ARRDC2: variants seen among roughly 807,000 people sequenced by gnomAD.
ARRDC2 encodes arrestin domain containing 2.
A neutral mutation model predicts 38.9 loss-of-function variants in ARRDC2; 39 were observed. The ratio of observed to expected loss-of-function variants is 1.00; its 90% CI spans 0.78 to 1.31. The LOEUF is 1.31. Ranked by LOEUF, ARRDC2 falls within the 50% of genes most tolerant of loss-of-function variation. ARRDC2 has a pLI of 0.00. For missense variants in ARRDC2, 553 were observed against 588.4 expected (o/e 0.94, Z 0.62); for synonymous variants, 300 against 261.9 (o/e 1.15, Z -1.41).
At chr19:18,008,128 C>T (rs896124591), upstream of ARRDC2, 6 of 1,037,530 alleles carry the variant, frequency 5.8e-6, 1 homozygote, top group Non-Finnish European at 7.6e-6. Flanking sequence ...CCCACCCCCC[C>T]CCGCCCTGCC....
chr19:18,008,165 G>C (rs1175185637), upstream of ARRDC2: 1 of 1,187,138 alleles, frequency 8.4e-7, no homozygotes, highest in African/African-American at 1.8e-5. Context: ...GACGCACGGC[G>C]CGGGGATTTT....
upstream of ARRDC2, chr19:18,008,115 G>GTCCCCCC: frequency 4.9e-6 from 4 of 810,032 alleles, no homozygotes; most frequent in Non-Finnish European, 5.1e-6. Flanking sequence ...AAGAGACGGT[G>GTCCCCCC]ACCCCACCCC....
At position 18,008,792 on chromosome 19, in the gene ARRDC2, G is replaced by A. The variant is rs373516769; in HGVS notation, c.341+15G>A. On this transcript the variant is annotated intron_variant, in intron 2 of 7. Coordinates refer to ENST00000222250, the MANE Select transcript of ARRDC2 (RefSeq NM_015683.2). ...CAGCTGCCCCCGTAAGTCCTCTGGG[G>A]TGCAGGGTTGCCCTAAGCCTGCAGC... is the stretch of plus-strand genomic sequence containing the variant. The A allele has an allele frequency of 3.1e-6, 5 of 1,612,682 alleles. No homozygotes were observed. Among genetic ancestry groups the A allele is most frequent in the East Asian group, 2.2e-5 (1 of 44,878 alleles).
rs2033323404 is a variant in ARRDC2, at chr19:18,008,230, C to G, written c.-81C>G. The G allele has an allele frequency of 2.0e-6, 3 of 1,478,348 alleles. No individual in the cohort carries two copies. The highest frequency in any genetic ancestry group is 3.0e-5 in the African/African-American group (2 of 67,270). 91.6% of individuals were successfully genotyped at this position (1,478,348 alleles called of 1,614,324 possible). On this transcript the variant is annotated 5_prime_UTR_variant, in exon 1 of 8. Transcript: ENST00000222250. Reference sequence around the variant, plus strand: ...TTGACGGCGATTTTGCGTTCTGAGGCTGCAGCGTCGGCATCTTGAGCTGCC... The same window carrying G: ...TTGACGGCGATTTTGCGTTCTGAGGGTGCAGCGTCGGCATCTTGAGCTGCC...
In ARRDC2 at chr19:18,011,934, G is replaced by GTGTGTATATA. The variant is rs944958651; in HGVS notation, c.1171-978_1171-977insGTGTATATAT. 7.9e-4 allele frequency among the ~76,000 whole-genome samples: 54 copies of GTGTGTATATA among 68,404 alleles called. 3 individuals are homozygous for GTGTGTATATA. The East Asian group carries it at 8.5e-3, about 11-fold the overall frequency. The allele number at this position is 68,404 out of a possible 152,430, so 44.9% of individuals were successfully genotyped here. A position where few individuals can be genotyped will look rare whatever the true frequency, so the allele number is the denominator to read the frequency against. On this transcript the variant is annotated intron_variant, in intron 7 of 7. Transcript: ENST00000222250. ...ATTTATATTTTGTGTGTGTATATGT[G>GTGTGTATATA]TATATATATATATATATATTTTTTT...
upstream of ARRDC2, chr19:18,007,295 G>A (rs1275107535): frequency 6.6e-6 from 1 of 152,282 alleles, no homozygotes; most frequent in Non-Finnish European, 1.5e-5. Flanking sequence ...GGGGGTGCCC[G>A]AGCGTCCCCT....
chr19:18,004,481 A>T (rs547193141), upstream of ARRDC2, among the ~76,000 whole-genome samples: 973 of 150,104 alleles, frequency 6.5e-3, 12 homozygotes, highest in African/African-American at 0.023. Context: ...TCCTGACCTC[A>T]GGTGATCCGC....
intron 1 of ARRDC2, among the ~76,000 whole-genome samples, chr19:18,002,254 T>C (rs762709988): frequency 3.3e-5 from 5 of 152,180 alleles, no homozygotes; most frequent in Non-Finnish European, 5.9e-5. Context: ...GGTCTGGTGG[T>C]ATTTCCCGGT....
At position 18,010,326 on chromosome 19, in the gene ARRDC2, G is replaced by A. The variant is rs1175820736; in HGVS notation, c.980G>A (p.Trp327Ter). ...AGCCACGCCAGCTTCCTGCTGGACTGGAGGCTGGGGGCCTTGCCGGAGCGG... is the reference window on the plus strand; with the variant it reads ...AGCCACGCCAGCTTCCTGCTGGACTAGAGGCTGGGGGCCTTGCCGGAGCGG... The part of the protein sequence containing the change: ...VGSHASFLLD[W>*]RLGALPERPE... Residue 327 changes from tryptophan (W) to a stop codon, truncating the protein, a stop_gained, in exon 6 of 8, where the codon TGG (tryptophan) becomes TAG (stop). Coordinates refer to ENST00000222250, the MANE Select transcript of ARRDC2 (RefSeq NM_015683.2). LOFTEE classifies it high-confidence loss of function. The A allele has an allele frequency of 4.3e-6, 7 of 1,611,960 alleles. No homozygotes were observed. In the South Asian group the frequency reaches 6.6e-5, roughly 15 times the overall value.
rs965673407 is a variant in ARRDC2, at chr19:18,009,155, T to A, written c.489+37T>A. 1.9e-6 allele frequency: 3 copies of A among 1,607,318 alleles called. No individual in the cohort carries two copies. In the African/African-American group the frequency reaches 4.0e-5, roughly 22 times the overall value. On this transcript the variant is annotated intron_variant, in intron 3 of 7. Transcript: ENST00000222250. ...CCCTTGGGGAGGTAGGTTGGGAGTA[T>A]TGTAGGAAGGGGCCTGCCTGGCTGC...
In ARRDC2 at chr19:18,009,077, A is replaced by G. The variant is rs1221719153; in HGVS notation, c.448A>G (p.Thr150Ala). 3.7e-6 allele frequency: 6 copies of G among 1,613,340 alleles called. No homozygotes were observed. Among genetic ancestry groups the G allele is most frequent in the Non-Finnish European group, 5.1e-6 (6 of 1,179,984 alleles). ...VPARRARKVF[T>A]VIEPVDINTP... is the part of the protein sequence containing the mutation. ...AGCACGCCGGGCAAGGAAGGTGTTC[A>G]CTGTCATCGAGCCTGTGGACATCAA... The change falls in exon 3 of 8, where the codon ACT becomes GCT. Residue 150 changes from threonine to alanine, a missense_variant. Transcript: ENST00000222250.
At chr19:18,004,887 C>G (rs1438276079), upstream of ARRDC2, among the ~76,000 whole-genome samples, 1 of 149,696 alleles carries the variant, frequency 6.7e-6, no homozygotes. Context: ...GTAATCCCGG[C>G]TACTCGGGAG....
chr19:18,003,764 C>G (rs1041333965), upstream of ARRDC2, among the ~76,000 whole-genome samples: 1 of 151,224 alleles, frequency 6.6e-6, no homozygotes, highest in African/African-American at 2.4e-5. Flanking sequence ...CTCAGCCTCC[C>G]GAGCAGCTGG....
upstream of ARRDC2, among the ~76,000 whole-genome samples, chr19:18,006,027 T>G (rs1344335673): frequency 3.3e-5 from 4 of 122,892 alleles, no homozygotes; most frequent in Non-Finnish European, 5.1e-5. Context: ...TCTCAGACGA[T>G]GGGCGGCCGG....
rs372159381 is a variant in ARRDC2 at position 18,010,022 on chromosome 19, G to A, written c.832G>A (p.Val278Met). 14 of 1,602,554 alleles carry A rather than the reference G, an allele frequency of 8.7e-6. No individual in the cohort carries two copies. Among genetic ancestry groups the A allele is most frequent in the African/African-American group, 2.7e-5 (2 of 74,912 alleles). ...PSILHCRVLH[V>M]DYALKVCVDI... is the part of the protein sequence containing the mutation. ...CATCCTGCACTGCCGCGTTCTACAC[G>A]TGGACTACGCACTCAAGGTAGGGCA... Residue 278 changes from valine (V) to methionine (M), a missense_variant, in exon 5 of 8, where the codon GTG becomes ATG. By Grantham distance (21) the Val-to-Met change is conservative (BLOSUM62 1). Coordinates refer to ENST00000222250, the MANE Select transcript of ARRDC2 (RefSeq NM_015683.2).
chr19:18,008,127 C>A, upstream of ARRDC2: 3 of 998,520 alleles, frequency 3.0e-6, no homozygotes, highest in Non-Finnish European at 4.0e-6. Flanking sequence ...CCCCACCCCC[C>A]CCCGCCCTGC....
intron 3 of ARRDC2, 90 bp downstream of exon 3, chr19:18,009,208 G>A (rs865885297): frequency 1.4e-6 from 2 of 1,468,680 alleles, no homozygotes; most frequent in Admixed American, 2.0e-5. Flanking sequence ...TAAGATGGAG[G>A]TCATAGGTGG....
At chr19:18,001,874 G>C (rs2033193209) in intron 1 of ARRDC2, among the ~76,000 whole-genome samples, 1 of 152,144 alleles carries the variant, frequency 6.6e-6, no homozygotes, top group Non-Finnish European at 1.5e-5. Flanking sequence ...GGAGGTAGAG[G>C]TTGTAATGGG....
chr19:18,006,165 T>C (rs1323354136), upstream of ARRDC2, among the ~76,000 whole-genome samples: 1 of 146,912 alleles, frequency 6.8e-6, no homozygotes, highest in African/African-American at 2.6e-5. Flanking sequence ...GCAGAGGGGC[T>C]CCTCACATCC....
Sources: allele counts gnomAD v4.1 joint callset (sites outside exome capture counted in the v4.1 genomes callset), GRCh38; gene constraint gnomAD v4.1.1; transcripts MANE v1.5; gene names NCBI Gene and HGNC (gene_info 2026-07-23, HGNC 2026-07-21).